The following TMC6 variants were observed in gnomAD, a reference collection of about 807,000 sequenced individuals.
TMC6 encodes transmembrane channel-like protein 6.
Under a neutral mutation model 95.4 loss-of-function variants are expected in TMC6, and 71 were observed. The ratio of observed to expected loss-of-function variants is 0.74; its 90% CI spans 0.61 to 0.91. TMC6 has a LOEUF of 0.91. Among genes scored for constraint, TMC6 ranks in the 40% least tolerant of loss-of-function variants. The pLI, the probability that TMC6 is intolerant of heterozygous loss-of-function variation, is 0.00. For synonymous variants in TMC6, 514 were observed against 483.1 expected (o/e 1.06, Z -0.84); for missense variants, 1,074 against 1,079.1 (o/e 1.00, Z 0.07).
chr17:78,124,039 G>C lies in TMC6; in HGVS notation c.1032C>G (p.Leu344=). 1 of 1,613,786 alleles carries C rather than the reference G, an allele frequency of 6.2e-7. No homozygotes were observed. Among genetic ancestry groups the C allele is most frequent in the Non-Finnish European group, 8.5e-7 (1 of 1,179,986 alleles). Residue 344 remains leucine (L), a synonymous_variant, in exon 9 of 20, where the codon CTC becomes CTG. Transcript: ENST00000590602. The part of the protein sequence containing the change: ...GLPYNMPLAY[L]STVGVSFFIT... ...TAAAGAAGCTCACGCCCACAGTGGA[G>C]AGGTAGGCCAGGGGCATGTTGTAGG...
At chr17:78,123,032 T>C (rs2074493511) in intron 9 of TMC6, 1 of 541,694 alleles carries the variant, frequency 1.8e-6, no homozygotes, top group Non-Finnish European at 3.4e-6. Flanking sequence ...GACCAGAAGA[T>C]GCTGGGCTCA....
rs374785246 is a variant in TMC6, at chr17:78,117,302, C to A, written c.2244G>T (p.Lys748Asn). ...LNIQVVRGQR[K>N]VICLLKEQIS... The stretch of plus-strand genomic sequence containing the variant: ...TCTGCTCCTTGAGCAGGCAGATGAC[C>A]TTGCGCTGGCCCCGCACCACCTGGA... Residue 748 changes from lysine to asparagine, a missense_variant, in exon 18 of 20, where the codon AAG becomes AAT. Lys to Asn is a moderately conservative substitution (Grantham distance 94). Coordinates refer to ENST00000590602, the MANE Select transcript of TMC6 (RefSeq NM_001127198.5). The A allele has an allele frequency of 1.6e-5, 26 of 1,613,376 alleles. No homozygotes were observed. The highest frequency in any genetic ancestry group is 2.1e-5 in the Non-Finnish European group (25 of 1,179,998).
At chr17:78,129,164 C>T (rs2074895044), upstream of TMC6, among the ~76,000 whole-genome samples, 3 of 151,966 alleles carry the variant, frequency 2.0e-5, no homozygotes, top group African/African-American at 7.3e-5. This position sits in a 1 kb window ranked among gnomAD's most constrained non-coding sequence, Gnocchi z 4.3. Flanking sequence ...TCTCCCCGAC[C>T]CCGGCGGGGG....
intron 14 of TMC6, 28 bp from the exon 15 acceptor site, chr17:78,119,074 T>C: frequency 6.4e-7 from 1 of 1,557,474 alleles, no homozygotes; most frequent in Non-Finnish European, 8.7e-7. Flanking sequence ...GTTCAGGGGC[T>C]GCTCCAGTGC....
At chr17:78,114,986 C>T (rs953880723) in intron 18 of TMC6, among the ~76,000 whole-genome samples, 1 of 152,246 alleles carries the variant, frequency 6.6e-6, no homozygotes, top group Non-Finnish European at 1.5e-5. Flanking sequence ...CTACCTGGCC[C>T]CTGGGGGCTC....
intron 18 of TMC6, among the ~76,000 whole-genome samples, chr17:78,115,494 G>C (rs1376770632): frequency 1.3e-5 from 2 of 152,198 alleles, no homozygotes; most frequent in Admixed American, 6.5e-5. Context: ...CTGCTTCACG[G>C]GGGGCCGTTC....
intron 15 of TMC6, among the ~76,000 whole-genome samples, chr17:78,118,546 ACT>A (rs1230138937): frequency 6.9e-6 from 1 of 145,418 alleles, no homozygotes; most frequent in East Asian, 2.0e-4. Context: ...ACAAAGCAAG[ACT>A]CTGTCTCAAA....
rs1437784424 is a variant in TMC6 at position 78,108,370 on chromosome 17, AGAAG to A, written c.*4774_*4777del. 1 of 154,890 alleles carries A rather than the reference AGAAG, an allele frequency of 6.5e-6. No individual in the cohort carries two copies. The highest frequency in any genetic ancestry group is 2.4e-5 in the African/African-American group (1 of 41,534). The allele number at this position is 154,890 out of a possible 1,614,324, so 9.6% of individuals were successfully genotyped here. On this transcript the variant is annotated 3_prime_UTR_variant, in exon 20 of 20. Coordinates refer to ENST00000590602, the MANE Select transcript of TMC6 (RefSeq NM_001127198.5). ...GGAGAAGAAATTAAAGACCAGAAAA[AGAAG>A]GAAGCTGGGAATGAAACTCAAAATG...
At chr17:78,118,926 G>T in intron 15 of TMC6, 45 bp downstream of exon 15, 4 of 1,557,138 alleles carry the variant, frequency 2.6e-6, no homozygotes, top group South Asian at 1.2e-5. Flanking sequence ...CCCCACTGCC[G>T]GCCACCCTGC....
Position 78,125,898 on chromosome 17 carries a change from T to C in TMC6, c.272-14A>G, listed in dbSNP as rs2074686315. ...CTCGGCTGCGGCCTATGGAGGCAGCTGGGCAGGGCCGGGCCGGGCAGGGCC... is the reference window on the plus strand; with the variant it reads ...CTCGGCTGCGGCCTATGGAGGCAGCCGGGCAGGGCCGGGCCGGGCAGGGCC... On this transcript the variant is annotated splice_polypyrimidine_tract_variant and intron_variant, in intron 4 of 19. Coordinates refer to ENST00000590602, the MANE Select transcript of TMC6 (RefSeq NM_001127198.5). The C allele has an allele frequency of 6.5e-7, 1 of 1,550,282 alleles. No individual in the cohort carries two copies. Among genetic ancestry groups the C allele is most frequent in the African/African-American group, 1.4e-5 (1 of 73,122 alleles).
At position 78,114,858 on chromosome 17, in the gene TMC6, G is replaced by A. The variant is rs575645860; in HGVS notation, c.2278-1234C>T. On this transcript the variant is annotated intron_variant, in intron 18 of 19. Coordinates refer to ENST00000590602, the MANE Select transcript of TMC6 (RefSeq NM_001127198.5). Reference sequence around the variant, plus strand: ...AAGACGGGTCAGAGCTCGGCCTTGGGTAGACACCACAGCCAGCATCCGCCT... The same window carrying A: ...AAGACGGGTCAGAGCTCGGCCTTGGATAGACACCACAGCCAGCATCCGCCT... Among the ~76,000 whole-genome samples, 65 of 152,162 alleles carry A rather than the reference G, an allele frequency of 4.3e-4. 2 individuals carry two copies. In the South Asian group the frequency reaches 0.013, roughly 32 times the overall value.
At position 78,109,558 on chromosome 17, in the gene TMC6, G is replaced by C; in HGVS notation, c.*3590C>G. 2.2e-6 allele frequency: 1 copy of C among 456,492 alleles called. No individual in the cohort carries two copies. The highest frequency in any genetic ancestry group is 1.5e-5 in the South Asian group (1 of 64,560). The allele number at this position is 456,492 out of a possible 1,614,324, so 28.3% of individuals were successfully genotyped here. On this transcript the variant is annotated 3_prime_UTR_variant, in exon 20 of 20. Transcript: ENST00000590602. ...AGGCGGGAGGATCACCTGAGCCCAGGAGGTCGAGGCTGCAGTGAGCTGTGA... is the reference window on the plus strand; with the variant it reads ...AGGCGGGAGGATCACCTGAGCCCAGCAGGTCGAGGCTGCAGTGAGCTGTGA...
rs775593216 is a variant in TMC6, at chr17:78,122,821, G to A, written c.1083-72C>T. Reference sequence around the variant, plus strand: ...AGAGGCCAAGGGGAGAAGGCAGACCGGATGCTCTGGGCAGCCAGACCCCAC... The same window carrying A: ...AGAGGCCAAGGGGAGAAGGCAGACCAGATGCTCTGGGCAGCCAGACCCCAC... On this transcript the variant is annotated intron_variant, in intron 9 of 19. Transcript: ENST00000590602. The surrounding 1 kb of genome is among the most constrained non-coding windows in gnomAD (Gnocchi z 4.9). 4.6e-5 allele frequency: 72 copies of A among 1,556,670 alleles called. No individual in the cohort carries two copies. The highest frequency in any genetic ancestry group is 1.3e-4 in the Admixed American group (7 of 53,328).
In TMC6 at chr17:78,118,119, G is replaced by A. The variant is rs917962015; in HGVS notation, c.1888-184C>T. 16 of 1,051,758 alleles carry A rather than the reference G, an allele frequency of 1.5e-5. No homozygotes were observed. The Admixed American group carries it at 2.7e-4, about 17-fold the overall frequency. The allele number at this position is 1,051,758 out of a possible 1,614,324, so 65.2% of individuals were successfully genotyped here. A position where few individuals can be genotyped will look rare whatever the true frequency, so the allele number is the denominator to read the frequency against. ...GCCTGCCGGTCACTTGCACGCAAAC[G>A]GGTGATGCCAACAGCACCTCCATCT... On this transcript the variant is annotated intron_variant, in intron 15 of 19. Coordinates refer to ENST00000590602, the MANE Select transcript of TMC6 (RefSeq NM_001127198.5).
intron 18 of TMC6, among the ~76,000 whole-genome samples, chr17:78,115,119 G>A: frequency 6.6e-6 from 1 of 152,242 alleles, no homozygotes; most frequent in Non-Finnish European, 1.5e-5. Flanking sequence ...GCAGGAGATG[G>A]GACAGTGTGT....
chr17:78,120,438 G>A (rs550799396), intron 13 of TMC6: 1 of 721,464 alleles, frequency 1.4e-6, no homozygotes, highest in Non-Finnish European at 2.4e-6. Context: ...GGGATTACAG[G>A]CATGAGCCAC....
At chr17:78,123,093 T>G in intron 9 of TMC6, 1 of 413,722 alleles carries the variant, frequency 2.4e-6, no homozygotes, top group Middle Eastern at 7.6e-4. Context: ...TCTTCCCTGC[T>G]TCCTTATCCA....
At chr17:78,118,298 T>C (rs1413493233) in intron 15 of TMC6, 1 of 355,336 alleles carries the variant, frequency 2.8e-6, no homozygotes, top group Middle Eastern at 9.6e-4. Context: ...GGCTCATGCC[T>C]GTAATCCCAG....
rs1351697365 is a variant in TMC6, at chr17:78,111,925, G to A, written c.*1223C>T. On this transcript the variant is annotated 3_prime_UTR_variant, in exon 20 of 20. Coordinates refer to ENST00000590602, the MANE Select transcript of TMC6 (RefSeq NM_001127198.5). ...CTGGTCCCCACAGACCTGGAGCACT[G>A]GGGTCATGACGGGCTGGTCCCCGCA... 9.4e-6 allele frequency: 2 copies of A among 212,484 alleles called. No homozygotes were observed. Among genetic ancestry groups the A allele is most frequent in the Admixed American group, 7.1e-5 (1 of 14,162 alleles). 13.2% of individuals were successfully genotyped at this position (212,484 alleles called of 1,614,324 possible). A position where few individuals can be genotyped will look rare whatever the true frequency, so the allele number is the denominator to read the frequency against.
Sources: allele counts gnomAD v4.1 joint callset (sites outside exome capture counted in the v4.1 genomes callset), GRCh38; gene constraint gnomAD v4.1.1; non-coding constraint Gnocchi (gnomAD v3.1); transcripts MANE v1.5; gene names NCBI Gene and HGNC (gene_info 2026-07-23, HGNC 2026-07-21).